TCERG1: variants seen among roughly 807,000 people sequenced by gnomAD.
TCERG1 encodes TATA box binding protein (TBP)-associated factor, RNA polymerase II, S, 150kD.
In TCERG1, 37 loss-of-function variants were observed where a neutral mutation model predicts 144.7. That is an observed-to-expected ratio of 0.26 (90% CI 0.20 to 0.34). The LOEUF is 0.34. TCERG1 is among the 10% of genes least tolerant of loss of function. The probability of loss-of-function intolerance (pLI) is 1.00; values close to 1 mark genes in which losing one functional copy is unlikely to be tolerated. For missense variants in TCERG1, 1,027 were observed against 1,380.7 expected, an observed-to-expected ratio of 0.74 and a Z score of 4.06; for synonymous variants, 492 against 458.2, an observed-to-expected ratio of 1.07 and a Z score of -0.94.
chr5:146,454,859 A>T (rs538271169), intron 1 of TCERG1, among the ~76,000 whole-genome samples, 197 bp from the exon 2 acceptor site: 1 of 152,170 alleles, frequency 6.6e-6, no homozygotes, highest in Non-Finnish European at 1.5e-5. Context: ...TGACCTCCCA[A>T]AGTGCTGGGA....
chr5:146,457,449 C>A, intron 3 of TCERG1, 114 bp downstream of exon 3: 2 of 1,065,256 alleles, frequency 1.9e-6, no homozygotes, highest in Non-Finnish European at 2.6e-6. Flanking sequence ...CCTGGGTGAG[C>A]AGGGAATGGG....
chr5:146,450,622 G>A, intron 1 of TCERG1, among the ~76,000 whole-genome samples: 1 of 152,144 alleles, frequency 6.6e-6, no homozygotes, highest in Non-Finnish European at 1.5e-5. Context: ...CCTCATTGCA[G>A]GTTCTGGTGA....
At chr5:146,471,187 C>T (rs991786691) in intron 8 of TCERG1, among the ~76,000 whole-genome samples, 1 of 152,172 alleles carries the variant, frequency 6.6e-6, no homozygotes, top group South Asian at 2.1e-4. Context: ...GGAAAGCTAG[C>T]AGAAATAAGA....
intron 16 of TCERG1, among the ~76,000 whole-genome samples, chr5:146,494,951 A>G (rs1006816826): frequency 3.9e-5 from 6 of 152,194 alleles, no homozygotes; most frequent in South Asian, 2.1e-4. Context: ...GTTTTTTCAC[A>G]GTTAAGAAAT....
In TCERG1 at chr5:146,507,518, G is replaced by T; in HGVS notation, c.2961+311G>T. The T allele has an allele frequency of 2.9e-6, 1 of 342,036 alleles. No homozygotes were observed. The highest frequency in any genetic ancestry group is 5.2e-6 in the Non-Finnish European group (1 of 191,784). The allele number at this position is 342,036 out of a possible 1,614,324, so 21.2% of individuals were successfully genotyped here. ...TGATCCATTTTCAATTTGGTACTAT[G>T]GCCTCTTGTTCGGCAGTTTGTACGC... On this transcript the variant is annotated intron_variant, in intron 20 of 22. Coordinates refer to ENST00000679501, the MANE Select transcript of TCERG1 (RefSeq NM_001382548.1). This position sits in a 1 kb window ranked among gnomAD's most constrained non-coding sequence, Gnocchi z 4.6.
chr5:146,507,335 A>G lies in TCERG1; in HGVS notation c.2961+128A>G, dbSNP rs1246044888. 9 of 856,816 alleles carry G rather than the reference A, an allele frequency of 1.1e-5. No homozygotes were observed. Among genetic ancestry groups the G allele is most frequent in the Admixed American group, 3.4e-5 (1 of 29,710 alleles). 53.1% of individuals were successfully genotyped at this position (856,816 alleles called of 1,614,324 possible). A position where few individuals can be genotyped will look rare whatever the true frequency, so the allele number is the denominator to read the frequency against. On this transcript the variant is annotated intron_variant, in intron 20 of 22. Coordinates refer to ENST00000679501, the MANE Select transcript of TCERG1 (RefSeq NM_001382548.1). The surrounding 1 kb of genome is among the most constrained non-coding windows in gnomAD (Gnocchi z 4.6). ...CATTACTGGAATGCATCTTATGACA[A>G]TTCTCTGATTTTAAAAAATTATGGT... is the stretch of plus-strand genomic sequence containing the variant.
intron 1 of TCERG1, among the ~76,000 whole-genome samples, chr5:146,447,960 C>A (rs1762035199): frequency 6.6e-6 from 1 of 152,218 alleles, no homozygotes; most frequent in South Asian, 2.1e-4. Flanking sequence ...TTTTTCATCC[C>A]TTTATTCCTT....
Position 146,492,943 on chromosome 5 carries a change from C to T in TCERG1, c.2187C>T (p.Thr729=), listed in dbSNP as rs1189262649. 6.2e-7 allele frequency: 1 copy of T among 1,606,266 alleles called. No individual in the cohort carries two copies. Among genetic ancestry groups the T allele is most frequent in the Non-Finnish European group, 8.5e-7 (1 of 1,176,770 alleles). ...RKQVFDQYVK[T]RAEEERREKK... is the part of the protein sequence containing the mutation. ...AGGTGTTTGATCAGTATGTAAAGAC[C>T]AGGGCAGAGGAAGAACGCAGGGAAA... The change falls in exon 16 of 23, where the codon ACC becomes ACT. Residue 729 remains threonine (T), a synonymous_variant. Coordinates refer to ENST00000679501, the MANE Select transcript of TCERG1 (RefSeq NM_001382548.1).
At chr5:146,504,775 G>A (rs1424445713) in intron 19 of TCERG1, among the ~76,000 whole-genome samples, 2 of 152,156 alleles carry the variant, frequency 1.3e-5, no homozygotes, top group African/African-American at 2.4e-5. Flanking sequence ...GGCTGGGCAC[G>A]GTGGCTCATG....
rs143764180 is a variant in TCERG1, at chr5:146,463,661, C to T, written c.1003C>T (p.Pro335Ser). The T allele has an allele frequency of 6.2e-7, 1 of 1,614,198 alleles. No individual in the cohort carries two copies. Among genetic ancestry groups the T allele is most frequent in the South Asian group, 1.1e-5 (1 of 91,086 alleles). The change falls in exon 5 of 23, where the codon CCG becomes TCG. Residue 335 changes from proline to serine, a missense_variant. Transcript: ENST00000679501. ...TATPVQTVPQ[P>S]HPQTLPPAVP... is the part of the protein sequence containing the mutation. ...CACACCTGTGCAAACCGTTCCCCAGCCGCACCCTCAGACGTTACCTCCTGC... is the reference window on the plus strand; with the variant it reads ...CACACCTGTGCAAACCGTTCCCCAGTCGCACCCTCAGACGTTACCTCCTGC...
chr5:146,461,113 G>A (rs1763292019), intron 4 of TCERG1, among the ~76,000 whole-genome samples: 1 of 152,192 alleles, frequency 6.6e-6, no homozygotes. Flanking sequence ...TATAGTCCAT[G>A]TCTGTTTTCA....
chr5:146,497,652 T>C (rs1056005666), intron 16 of TCERG1, among the ~76,000 whole-genome samples: 2 of 152,246 alleles, frequency 1.3e-5, no homozygotes, highest in Admixed American at 6.5e-5. Flanking sequence ...ATTTTTGTTT[T>C]AGTAGGCAGT....
intron 9 of TCERG1, among the ~76,000 whole-genome samples, chr5:146,474,004 A>G (rs1764592325): frequency 6.6e-6 from 1 of 151,996 alleles, no homozygotes; most frequent in Non-Finnish European, 1.5e-5. Context: ...ATAGATTGTG[A>G]TTCCTCTGGT....
At chr5:146,482,061 A>G (rs1765409970) in intron 13 of TCERG1, 2 of 152,202 alleles carry the variant, frequency 1.3e-5, no homozygotes, top group Non-Finnish European at 1.5e-5. Context: ...CACTTGGCCA[A>G]GATTGCAGAT....
chr5:146,507,222 T>C lies in TCERG1; in HGVS notation c.2961+15T>C, dbSNP rs1768085119. The C allele has an allele frequency of 3.9e-6, 6 of 1,555,164 alleles. No individual in the cohort carries two copies. The highest frequency in any genetic ancestry group is 1.4e-5 in the African/African-American group (1 of 72,058). On this transcript the variant is annotated intron_variant, in intron 20 of 22. Coordinates refer to ENST00000679501, the MANE Select transcript of TCERG1 (RefSeq NM_001382548.1). The surrounding 1 kb of genome is among the most constrained non-coding windows in gnomAD (Gnocchi z 4.6). ...AAACTTCTGCAGTAAGAATCTCTTATTTTTCTCATTTTAATCTGGATGAAT... is the reference window on the plus strand; with the variant it reads ...AAACTTCTGCAGTAAGAATCTCTTACTTTTCTCATTTTAATCTGGATGAAT...
At chr5:146,495,701 G>C (rs1766830863) in intron 16 of TCERG1, among the ~76,000 whole-genome samples, 1 of 152,014 alleles carries the variant, frequency 6.6e-6, no homozygotes, top group South Asian at 2.1e-4. Context: ...GAGATTAACT[G>C]GCCAGTTTTT....
Position 146,498,516 on chromosome 5 carries a change from C to A in TCERG1, c.2283-20C>A, listed in dbSNP as rs765045582. 3 of 1,592,704 alleles carry A rather than the reference C, an allele frequency of 1.9e-6. No homozygotes were observed. Among genetic ancestry groups the A allele is most frequent in the Non-Finnish European group, 2.6e-6 (3 of 1,171,706 alleles). ...GCAGAAGTAACTGCCAAAGTTAGCA[C>A]ACTTGTAATTTTGTTACAGAGCAAC... On this transcript the variant is annotated intron_variant, in intron 16 of 22. Coordinates refer to ENST00000679501, the MANE Select transcript of TCERG1 (RefSeq NM_001382548.1).
At chr5:146,458,117 C>T (rs1279281130) in intron 3 of TCERG1, among the ~76,000 whole-genome samples, 1 of 152,108 alleles carries the variant, frequency 6.6e-6, no homozygotes, top group African/African-American at 2.4e-5. Context: ...TCCCATAGTG[C>T]TGGGATTACA....
chr5:146,492,245 A>G (rs1766498294), intron 15 of TCERG1, among the ~76,000 whole-genome samples: 1 of 152,176 alleles, frequency 6.6e-6, no homozygotes, highest in Non-Finnish European at 1.5e-5. Context: ...CAGAAAAAAA[A>G]ACTTGAGTTG....
Sources: gnomAD v4.1 joint callset for allele counts (sites outside exome capture counted in the v4.1 genomes callset) on GRCh38, gnomAD v4.1.1 for gene constraint, Gnocchi (gnomAD v3.1) non-coding constraint, MANE v1.5 for transcripts, NCBI Gene and HGNC (gene_info 2026-07-23, HGNC 2026-07-21) for gene names.